Variants in DRC11 observed in about 807,000 individuals in gnomAD.
DRC11 encodes the protein IQ and AAA domain-containing protein 1.
At chr2:236,433,376 T>C in the DRC11 span, among the ~76,000 whole-genome samples, 1 of 152,236 alleles carries the variant, frequency 6.6e-6, no homozygotes, top group Non-Finnish European at 1.5e-5. Flanking sequence ...GGTGTGAGCA[T>C]TCCTACCTAC....
chr2:236,394,033 T>A, the DRC11 span, among the ~76,000 whole-genome samples: 1 of 151,944 alleles, frequency 6.6e-6, no homozygotes, highest in Non-Finnish European at 1.5e-5. The surrounding 1 kb of genome is among the most constrained non-coding windows in gnomAD (Gnocchi z 7.0). Flanking sequence ...TATTTATATA[T>A]AAATAAATAT....
the DRC11 span, among the ~76,000 whole-genome samples, chr2:236,347,018 T>C: frequency 1.3e-5 from 2 of 152,222 alleles, no homozygotes; most frequent in Non-Finnish European, 2.9e-5. Flanking sequence ...GGCAGGCCAC[T>C]GTGCATGCGG....
At chr2:236,490,429 T>A in the DRC11 span, among the ~76,000 whole-genome samples, 2 of 152,156 alleles carry the variant, frequency 1.3e-5, no homozygotes, top group African/African-American at 2.4e-5. The surrounding 1 kb of genome is among the most constrained non-coding windows in gnomAD (Gnocchi z 5.5). Context: ...CACATAACAA[T>A]CCCTCTGAGT....
the DRC11 span, chr2:236,507,429 G>A: frequency 2.8e-6 from 2 of 715,982 alleles, no homozygotes; most frequent in Non-Finnish European, 4.8e-6. Flanking sequence ...CTTCTGCTTC[G>A]GGCAGGAAAA....
the DRC11 span, among the ~76,000 whole-genome samples, chr2:236,491,194 A>ATATATATATACACACAG: frequency 4.9e-4 from 31 of 63,304 alleles, no homozygotes; most frequent in African/African-American, 2.3e-3. Flanking sequence ...CACAGTATAT[A>ATATATATATACACACAG]TATATATATA....
chr2:236,384,594 C>T, the DRC11 span, among the ~76,000 whole-genome samples: 1 of 152,120 alleles, frequency 6.6e-6, no homozygotes, highest in South Asian at 2.1e-4. Context: ...CGAAAATTTT[C>T]TCCCATTTCG....
the DRC11 span, among the ~76,000 whole-genome samples, chr2:236,322,257 C>T: frequency 1.4e-3 from 143 of 102,212 alleles, no homozygotes; most frequent in South Asian, 4.0e-3. Context: ...TTTTTTGAGA[C>T]AGAGTCTCGC....
At chr2:236,505,238 A>G in the DRC11 span, among the ~76,000 whole-genome samples, 1 of 152,214 alleles carries the variant, frequency 6.6e-6, no homozygotes, top group African/African-American at 2.4e-5. Context: ...CAGTTTTCCT[A>G]TAACGGAGTG....
the DRC11 span, among the ~76,000 whole-genome samples, chr2:236,366,459 C>T: frequency 6.6e-6 from 1 of 152,222 alleles, no homozygotes; most frequent in African/African-American, 2.4e-5. Context: ...ACTGTGCACA[C>T]AATTCATCTG....
the DRC11 span, among the ~76,000 whole-genome samples, chr2:236,320,548 G>A: frequency 2.6e-5 from 4 of 152,128 alleles, no homozygotes; most frequent in Non-Finnish European, 4.4e-5. Flanking sequence ...AAGCCCCGAC[G>A]GTCTCCGTCT....
At chr2:236,451,506 A>C in the DRC11 span, among the ~76,000 whole-genome samples, 1 of 152,162 alleles carries the variant, frequency 6.6e-6, no homozygotes, top group African/African-American at 2.4e-5. Context: ...AGACATAAAA[A>C]TCTCTGTCTT....
chr2:236,416,667 C>G, the DRC11 span, among the ~76,000 whole-genome samples: 1 of 143,662 alleles, frequency 7.0e-6, no homozygotes, highest in African/African-American at 2.6e-5. Flanking sequence ...CAGTCATGCC[C>G]GGAGCTTTGA....
chr2:236,492,758 C>T, the DRC11 span, among the ~76,000 whole-genome samples: 1 of 152,146 alleles, frequency 6.6e-6, no homozygotes, highest in Non-Finnish European at 1.5e-5. Context: ...AGAAGACTCC[C>T]CACCAGTAGG....
the DRC11 span, among the ~76,000 whole-genome samples, chr2:236,362,779 T>C: frequency 2.0e-5 from 3 of 152,156 alleles, no homozygotes; most frequent in Admixed American, 6.5e-5. This position sits in a 1 kb window ranked among gnomAD's most constrained non-coding sequence, Gnocchi z 5.7. Flanking sequence ...TGGTTACACA[T>C]TGTATACTCT....
the DRC11 span, among the ~76,000 whole-genome samples, chr2:236,481,862 T>C: frequency 1.6e-4 from 24 of 150,506 alleles, no homozygotes; most frequent in Non-Finnish European, 3.1e-4. Flanking sequence ...TATAACTATA[T>C]GTATAATTCT....
the DRC11 span, among the ~76,000 whole-genome samples, chr2:236,489,687 C>T: frequency 1.3e-5 from 2 of 152,044 alleles, no homozygotes; most frequent in Non-Finnish European, 2.9e-5. Context: ...TTTGGGATGC[C>T]GAGGTGGGAG....
At chr2:236,444,738 G>A in the DRC11 span, among the ~76,000 whole-genome samples, 29 of 152,278 alleles carry the variant, frequency 1.9e-4, no homozygotes, top group Admixed American at 1.7e-3. Flanking sequence ...TACTTTGGTG[G>A]GATCACTCAC....
At chr2:236,490,542 A>G in the DRC11 span, among the ~76,000 whole-genome samples, 2 of 152,230 alleles carry the variant, frequency 1.3e-5, no homozygotes, top group Non-Finnish European at 2.9e-5. This position sits in a 1 kb window ranked among gnomAD's most constrained non-coding sequence, Gnocchi z 5.5. Flanking sequence ...CTGGCATTAA[A>G]TGAGATGATG....
At chr2:236,500,365 G>A in the DRC11 span, among the ~76,000 whole-genome samples, 7 of 152,088 alleles carry the variant, frequency 4.6e-5, no homozygotes, top group South Asian at 6.2e-4. This position sits in a 1 kb window ranked among gnomAD's most constrained non-coding sequence, Gnocchi z 6.3. Flanking sequence ...ATCGCTTCCC[G>A]TTTGTCAGGG....
Sources: gnomAD v4.1 joint callset for allele counts (sites outside exome capture counted in the v4.1 genomes callset) on GRCh38, gnomAD v4.1.1 for gene constraint, Gnocchi (gnomAD v3.1) non-coding constraint, MANE v1.5 for transcripts, NCBI Gene and HGNC (gene_info 2026-07-23, HGNC 2026-07-21) for gene names.